The following ITIH5 variants were observed in gnomAD, a reference collection of about 807,000 sequenced individuals.
The protein encoded by ITIH5 is inter-alpha-trypsin inhibitor heavy chain 5.
Under a neutral mutation model 77.5 loss-of-function variants are expected in ITIH5, and 65 were observed. The ratio of observed to expected loss-of-function variants is 0.84; its 90% CI spans 0.69 to 1.03. ITIH5 has a LOEUF of 1.03. ITIH5 is among the 50% of genes least tolerant of loss of function. The pLI is 0.00. For missense variants in ITIH5, 1,208 were observed against 1,213.1 expected (o/e 1.00, Z 0.06); for synonymous variants, 525 against 494.3 (o/e 1.06, Z -0.82).
rs1263081445 is a variant in ITIH5 at position 7,559,557 on chromosome 10, A to T, written c.*3526T>A. 9.7e-6 allele frequency: 2 copies of T among 205,466 alleles called. No homozygotes were observed. Among genetic ancestry groups the T allele is most frequent in the Non-Finnish European group, 2.0e-5 (2 of 102,158 alleles). The allele number at this position is 205,466 out of a possible 1,614,324, so 12.7% of individuals were successfully genotyped here. Reference sequence around the variant, plus strand: ...CAAGAGTCCTTTAAATTTTAATAACAGCATTGTTTGTGTACATTCTGGGAA... The same window carrying T: ...CAAGAGTCCTTTAAATTTTAATAACTGCATTGTTTGTGTACATTCTGGGAA... On this transcript the variant is annotated 3_prime_UTR_variant, in exon 14 of 14. Coordinates refer to ENST00000397146, the MANE Select transcript of ITIH5 (RefSeq NM_030569.7).
In ITIH5 at chr10:7,586,045, G is replaced by A. The variant is rs1354596503; in HGVS notation, c.964C>T (p.Leu322Phe). ...CGGTCCTGGGGTCGGAGGTCATGGA[G>A]AATTGTGAAGAGGGCATCCTTGGTC... is the stretch of plus-strand genomic sequence containing the variant. ...RQTKDALFTI[L>F]HDLRPQDRFS... The change falls in exon 8 of 14, where the codon CTC becomes TTC. Residue 322 changes from leucine (L) to phenylalanine (F), a missense_variant. Transcript: ENST00000397146. 8 of 1,613,568 alleles carry A rather than the reference G, an allele frequency of 5.0e-6. No individual in the cohort carries two copies. The highest frequency in any genetic ancestry group is 4.2e-6 in the Non-Finnish European group (5 of 1,179,844).
chr10:7,637,162 C>T (rs1240212554), intron 5 of ITIH5, 66 bp downstream of exon 5: 25 of 1,545,294 alleles, frequency 1.6e-5, no homozygotes, highest in Non-Finnish European at 2.1e-5. Context: ...GCAGATTTCT[C>T]CGAAGCCAAG....
chr10:7,624,680 G>A (rs1378928275), intron 5 of ITIH5, among the ~76,000 whole-genome samples: 1 of 148,624 alleles, frequency 6.7e-6, no homozygotes, highest in Non-Finnish European at 1.5e-5. Context: ...GAGCTACTAA[G>A]GAGGCTGAGG....
intron 7 of ITIH5, among the ~76,000 whole-genome samples, chr10:7,596,418 C>T (rs1238667070): frequency 1.3e-5 from 2 of 152,190 alleles, no homozygotes; most frequent in Non-Finnish European, 2.9e-5. Context: ...GGCTTCCTCC[C>T]ACTTCCATCG....
chr10:7,666,119 A>C (rs1834357215), intron 1 of ITIH5, among the ~76,000 whole-genome samples: 1 of 152,246 alleles, frequency 6.6e-6, no homozygotes, highest in Admixed American at 6.5e-5. Context: ...TCTCAATGCT[A>C]TTTGTGTGAA....
intron 13 of ITIH5, among the ~76,000 whole-genome samples, chr10:7,564,897 CATAT>C (rs930360977): frequency 1.1e-5 from 1 of 93,286 alleles, no homozygotes; most frequent in Non-Finnish European, 2.2e-5. Context: ...CACATACATA[CATAT>C]ACAGACTGTG....
chr10:7,665,738 G>T (rs1834351134), intron 1 of ITIH5, among the ~76,000 whole-genome samples: 1 of 152,204 alleles, frequency 6.6e-6, no homozygotes, highest in African/African-American at 2.4e-5. Flanking sequence ...AGATTAAAGG[G>T]CTTGCCCGGA....
At chr10:7,603,961 T>C (rs1205245576) in intron 7 of ITIH5, among the ~76,000 whole-genome samples, 2 of 152,100 alleles carry the variant, frequency 1.3e-5, no homozygotes, top group African/African-American at 2.4e-5. Context: ...TTTTGTGCTG[T>C]TGTGTCGTGA....
chr10:7,576,851 T>A lies in ITIH5; in HGVS notation c.1580A>T (p.His527Leu), dbSNP rs1262203284. The A allele has an allele frequency of 3.1e-6, 5 of 1,614,068 alleles. No individual in the cohort carries two copies. In the African/African-American group the frequency reaches 5.3e-5, roughly 17 times the overall value. Residue 527 changes from histidine to leucine, a missense_variant, in exon 10 of 14, where the codon CAC (histidine) becomes CTC (leucine). Physicochemically the swap from His to Leu is moderately conservative, Grantham distance 99. Coordinates refer to ENST00000397146, the MANE Select transcript of ITIH5 (RefSeq NM_030569.7). Reference sequence around the variant, plus strand: ...ACTGTTGCTGGCGGTGACCTCCACGTGCAGGTGATCCAGCTTCCTGTCCAC... The same window carrying A: ...ACTGTTGCTGGCGGTGACCTCCACGAGCAGGTGATCCAGCTTCCTGTCCAC... ...KLVDRKLDHL[H>L]VEVTASNSKK... is the part of the protein sequence containing the mutation.
intron 12 of ITIH5, among the ~76,000 whole-genome samples, chr10:7,567,841 T>C (rs1165961308): frequency 6.6e-6 from 1 of 152,212 alleles, no homozygotes; most frequent in Non-Finnish European, 1.5e-5. Context: ...GCCACTTCAC[T>C]GCAGCCTAGG....
intron 7 of ITIH5, among the ~76,000 whole-genome samples, chr10:7,598,347 G>C (rs908467842): frequency 6.6e-6 from 1 of 152,112 alleles, no homozygotes; most frequent in African/African-American, 2.4e-5. Context: ...TTGGAGAAAT[G>C]GCAGAAACTA....
At chr10:7,642,524 T>A (rs1313265451) in intron 2 of ITIH5, among the ~76,000 whole-genome samples, 1 of 152,218 alleles carries the variant, frequency 6.6e-6, no homozygotes, top group African/African-American at 2.4e-5. Flanking sequence ...AAAAATCTCG[T>A]ATTTTAAAAT....
In ITIH5 at chr10:7,579,936, C is replaced by T. The variant is rs747885557; in HGVS notation, c.1237G>A (p.Glu413Lys). The change falls in exon 9 of 14, where the codon GAG (glutamate) becomes AAG (lysine). Residue 413 changes from glutamate to lysine, a missense_variant. Transcript: ENST00000397146. ...TTGAGGATCTTGAGGGTGTGCGTCT[C>T]CCCGACCGTGGGCTTCCCATCCGTC... ...FLTDGKPTVG[E>K]THTLKILNNT... The T allele has an allele frequency of 2.5e-6, 4 of 1,614,182 alleles. No homozygotes were observed. The highest frequency in any genetic ancestry group is 2.5e-6 in the Non-Finnish European group (3 of 1,180,032).
intron 5 of ITIH5, chr10:7,621,386 C>T (rs1160423065): frequency 6.6e-6 from 1 of 152,258 alleles, no homozygotes; most frequent in East Asian, 1.9e-4. Flanking sequence ...CGACTAGGCT[C>T]TTTGATATGG....
chr10:7,623,728 A>T (rs1222098021), intron 5 of ITIH5, among the ~76,000 whole-genome samples: 2 of 144,706 alleles, frequency 1.4e-5, no homozygotes, highest in East Asian at 2.1e-4. Context: ...GCGTGAACCC[A>T]GGAGGTGGAG....
intron 1 of ITIH5, among the ~76,000 whole-genome samples, chr10:7,665,223 T>TGAACTTGGTATATGCTA (rs1289707757): frequency 6.6e-6 from 1 of 152,234 alleles, no homozygotes; most frequent in Non-Finnish European, 1.5e-5. Context: ...GAAGCCTACT[T>TGAACTTGGTATATGCTA]GAACTTGGTA....
chr10:7,617,341 A>G (rs774837546), intron 5 of ITIH5, 59 bp from the exon 6 acceptor site: 33 of 1,146,918 alleles, frequency 2.9e-5, no homozygotes, highest in Non-Finnish European at 3.4e-5. Flanking sequence ...AAAAAGAAAT[A>G]AAAACTGTTT....
chr10:7,567,027 A>C (rs1564232983), intron 12 of ITIH5, among the ~76,000 whole-genome samples: 2 of 151,950 alleles, frequency 1.3e-5, no homozygotes, highest in Non-Finnish European at 2.9e-5. Context: ...TGACTTACAC[A>C]CAGAGGTCAC....
At position 7,595,672 on chromosome 10, in the gene ITIH5, C is replaced by A. The variant is rs550348406; in HGVS notation, c.940-9603G>T. Among the ~76,000 whole-genome samples the A allele has an allele frequency of 7.0e-4, 106 of 152,302 alleles. 2 individuals carry two copies. The South Asian group carries it at 7.5e-3, about 11-fold the overall frequency. ...TACTATTAAGTAAGTCCTTTAATTTCTTTCTATTTAAATTCTTCCAGGCAC... is the reference window on the plus strand; with the variant it reads ...TACTATTAAGTAAGTCCTTTAATTTATTTCTATTTAAATTCTTCCAGGCAC... On this transcript the variant is annotated intron_variant, in intron 7 of 13. Transcript: ENST00000397146.
Sources: allele counts gnomAD v4.1 joint callset (sites outside exome capture counted in the v4.1 genomes callset), GRCh38; gene constraint gnomAD v4.1.1; transcripts MANE v1.5; gene names NCBI Gene and HGNC (gene_info 2026-07-23, HGNC 2026-07-21).